SIPA1L3: variants seen among roughly 807,000 people sequenced by gnomAD.
SIPA1L3 encodes the protein signal induced proliferation associated 1 like 3, also known as signal-induced proliferation-associated 1-like protein 3.
Under a neutral mutation model 150.1 loss-of-function variants are expected in SIPA1L3, and 59 were observed. That is an observed-to-expected ratio of 0.39 (90% CI 0.32 to 0.49). The LOEUF (loss-of-function observed/expected upper bound fraction) is 0.49, where lower values mean the gene tolerates loss of function less well. SIPA1L3 is among the 20% of genes least tolerant of loss of function. The pLI, the probability that SIPA1L3 is intolerant of heterozygous loss-of-function variation, is 0.86. For synonymous variants in SIPA1L3, 1,070 were observed against 1,077.6 expected (o/e 0.99, Z 0.14); for missense variants, 2,211 against 2,489.5 (o/e 0.89, Z 2.38).
intron 13 of SIPA1L3, among the ~76,000 whole-genome samples, chr19:38,158,911 C>G (rs573957778): frequency 1.3e-5 from 2 of 152,314 alleles, no homozygotes; most frequent in East Asian, 3.9e-4. Context: ...GTTCAAGTGT[C>G]AAGTCAGGGG....
chr19:38,103,901 C>CAAAAA (rs66888884), intron 6 of SIPA1L3, among the ~76,000 whole-genome samples: 7 of 96,276 alleles, frequency 7.3e-5, no homozygotes, highest in South Asian at 3.4e-4. Context: ...GACTCCATAT[C>CAAAAA]AAAAAAAAAA....
chr19:37,961,895 C>T (rs353416), intron 1 of SIPA1L3, among the ~76,000 whole-genome samples: 46,711 of 151,886 alleles, frequency 0.31, 8,901 homozygotes, highest in East Asian at 0.68. Context: ...TCAAATCTGC[C>T]GTTGAGCCCC....
chr19:37,976,152 G>T (rs1186762761), intron 1 of SIPA1L3, among the ~76,000 whole-genome samples: 1 of 151,312 alleles, frequency 6.6e-6, no homozygotes, highest in Non-Finnish European at 1.5e-5. Context: ...GTCTCACAAT[G>T]AGTGGTGGGG....
intron 15 of SIPA1L3, among the ~76,000 whole-genome samples, chr19:38,179,113 G>T (rs1233333680): frequency 6.6e-6 from 1 of 152,168 alleles, no homozygotes; most frequent in African/African-American, 2.4e-5. Flanking sequence ...TTGCTCCTCT[G>T]TTCTTCCTTA....
At chr19:38,119,972 G>T in intron 9 of SIPA1L3, 90 bp downstream of exon 9, 1 of 851,322 alleles carries the variant, frequency 1.2e-6, no homozygotes, top group Non-Finnish European at 1.8e-6. Context: ...AGTCAGTTAG[G>T]CTAAGACACG....
In SIPA1L3 at chr19:38,140,118, A is replaced by G. The variant is rs145951404; in HGVS notation, c.3144-1066A>G. On this transcript the variant is annotated intron_variant, in intron 10 of 21. Transcript: ENST00000222345. Reference sequence around the variant, plus strand: ...GGGTGGCCATGAACGGGGTGGCTCCAGGGAATTCAGGAGACACTCAGAGGA... The same window carrying G: ...GGGTGGCCATGAACGGGGTGGCTCCGGGGAATTCAGGAGACACTCAGAGGA... Among the ~76,000 whole-genome samples, 98 of 152,324 alleles carry G rather than the reference A, an allele frequency of 6.4e-4. No individual in the cohort carries two copies. In the Middle Eastern group the frequency reaches 0.01, roughly 16 times the overall value.
chr19:37,924,372 C>T (rs2046482804), intron 1 of SIPA1L3, among the ~76,000 whole-genome samples: 1 of 150,296 alleles, frequency 6.7e-6, no homozygotes, highest in South Asian at 2.1e-4. Flanking sequence ...GTGCCTTCTT[C>T]TGGAATATCT....
chr19:37,968,135 G>A (rs1330188636), intron 1 of SIPA1L3, among the ~76,000 whole-genome samples: 4 of 139,384 alleles, frequency 2.9e-5, no homozygotes, highest in South Asian at 2.5e-4. Context: ...GTGCAGTGGC[G>A]CGATCTCAGC....
chr19:38,134,720 A>AT (rs1444240100), intron 10 of SIPA1L3, among the ~76,000 whole-genome samples: 3 of 150,726 alleles, frequency 2.0e-5, no homozygotes, highest in Non-Finnish European at 4.4e-5. Context: ...AAAAAAAAAA[A>AT]AAAAAAAAAA....
intron 5 of SIPA1L3, among the ~76,000 whole-genome samples, chr19:38,100,445 C>T (rs1356944496): frequency 6.6e-6 from 1 of 152,140 alleles, no homozygotes; most frequent in Non-Finnish European, 1.5e-5. Context: ...TTCCTCCCCG[C>T]TCCACATGCT....
At chr19:38,141,537 C>A in intron 11 of SIPA1L3, 102 bp downstream of exon 11, 1 of 1,281,768 alleles carries the variant, frequency 7.8e-7, no homozygotes, top group Non-Finnish European at 1.1e-6. Context: ...CTCTTCCTCG[C>A]CTCAAGCTTT....
intron 1 of SIPA1L3, among the ~76,000 whole-genome samples, chr19:37,973,927 A>T (rs1967010380): frequency 6.6e-6 from 1 of 152,144 alleles, no homozygotes; most frequent in Admixed American, 6.5e-5. Flanking sequence ...AAGGCAGAAG[A>T]GGGATTGATG....
intron 1 of SIPA1L3, among the ~76,000 whole-genome samples, chr19:38,023,874 C>A (rs1297978882): frequency 6.6e-6 from 1 of 152,236 alleles, no homozygotes; most frequent in Non-Finnish European, 1.5e-5. Context: ...CAGAAGAGAA[C>A]CTCCTGCCGT....
intron 1 of SIPA1L3, among the ~76,000 whole-genome samples, chr19:37,910,297 C>CAGTG (rs36037418): frequency 6.6e-6 from 1 of 151,924 alleles, no homozygotes; most frequent in Non-Finnish European, 1.5e-5. Flanking sequence ...TGGCAGGGTG[C>CAGTG]AGTGGCTCAT....
chr19:38,041,623 G>A (rs1568516235), intron 2 of SIPA1L3, among the ~76,000 whole-genome samples: 1 of 151,244 alleles, frequency 6.6e-6, no homozygotes, highest in African/African-American at 2.4e-5. Flanking sequence ...TAGTAGAGAC[G>A]GGGTTTTGCT....
At chr19:37,992,017 A>G (rs75326419) in intron 1 of SIPA1L3, among the ~76,000 whole-genome samples, 3,159 of 152,238 alleles carry the variant, frequency 0.021, 99 homozygotes, top group African/African-American at 0.072. Context: ...ATGATAATTC[A>G]CTGAGGTCAT....
chr19:38,046,419 C>T lies in SIPA1L3; in HGVS notation c.-311+17263C>T, dbSNP rs549764141. ...AGATGACAGCACAAAGCTTCAAGGTCGGGGGCCGTGGGGTGGTGGTGGAGT... is the reference window on the plus strand; with the variant it reads ...AGATGACAGCACAAAGCTTCAAGGTTGGGGGCCGTGGGGTGGTGGTGGAGT... On this transcript the variant is annotated intron_variant, in intron 2 of 21. Transcript: ENST00000222345. This position sits in a 1 kb window ranked among gnomAD's most constrained non-coding sequence, Gnocchi z 5.6. 2.2e-4 allele frequency among the ~76,000 whole-genome samples: 33 copies of T among 152,242 alleles called. No individual in the cohort carries two copies. The highest frequency in any genetic ancestry group is 3.4e-4 in the Non-Finnish European group (23 of 68,020).
intron 19 of SIPA1L3, among the ~76,000 whole-genome samples, chr19:38,198,847 T>C (rs1255588458): frequency 6.6e-6 from 1 of 152,164 alleles, no homozygotes; most frequent in African/African-American, 2.4e-5. Flanking sequence ...CCCAGCACTC[T>C]GAGAGTCCAA....
At chr19:38,201,634 G>A (rs932863752) in intron 19 of SIPA1L3, among the ~76,000 whole-genome samples, 7 of 152,214 alleles carry the variant, frequency 4.6e-5, no homozygotes, top group South Asian at 4.1e-4. Context: ...TGAACTGGTC[G>A]TTGGATCGAA....
Sources: gnomAD v4.1 joint callset for allele counts (sites outside exome capture counted in the v4.1 genomes callset) on GRCh38, gnomAD v4.1.1 for gene constraint, Gnocchi (gnomAD v3.1) non-coding constraint, MANE v1.5 for transcripts, NCBI Gene and HGNC (gene_info 2026-07-23, HGNC 2026-07-21) for gene names.